Variants in CPQ observed in about 807,000 individuals in gnomAD.
The protein encoded by CPQ is Ser-Met dipeptidase.
A neutral mutation model predicts 45.7 loss-of-function variants in CPQ; 37 were observed. That is an observed-to-expected ratio of 0.81 (90% CI 0.62 to 1.07). The LOEUF (loss-of-function observed/expected upper bound fraction) is 1.07. CPQ is among the 50% of genes least tolerant of loss of function. The probability of loss-of-function intolerance (pLI) is 0.00; values close to 1 mark genes in which losing one functional copy is unlikely to be tolerated. For missense variants in CPQ, 537 were observed against 572.9 expected (o/e 0.94, Z 0.64); for synonymous variants, 186 against 205.8 (o/e 0.90, Z 0.82).
chr8:96,661,369 T>A (rs983811627), intron 1 of CPQ, among the ~76,000 whole-genome samples: 8 of 152,254 alleles, frequency 5.3e-5, no homozygotes, highest in Non-Finnish European at 8.8e-5. Flanking sequence ...ATGGTTTGTA[T>A]TAGCGTTCAC....
At chr8:96,870,296 C>G (rs1282240855) in intron 3 of CPQ, among the ~76,000 whole-genome samples, 3 of 151,854 alleles carry the variant, frequency 2.0e-5, no homozygotes, top group East Asian at 3.9e-4. Flanking sequence ...AGCACTTGAC[C>G]CATTCAGGGA....
chr8:97,039,580 C>A (rs1272955980), intron 6 of CPQ, among the ~76,000 whole-genome samples: 1 of 151,558 alleles, frequency 6.6e-6, no homozygotes, highest in Non-Finnish European at 1.5e-5. Flanking sequence ...TGTGCTGCAC[C>A]CATTAACTCG....
In CPQ at chr8:96,678,408, T is replaced by G. The variant is rs200608556; in HGVS notation, c.-35+33006T>G. Among the ~76,000 whole-genome samples, 9 of 152,156 alleles carry G rather than the reference T, an allele frequency of 5.9e-5. No individual in the cohort carries two copies. In the East Asian group the frequency reaches 1.7e-3, roughly 29 times the overall value. On this transcript the variant is annotated intron_variant, in intron 1 of 7. Transcript: ENST00000220763. ...TTACCTCTTTGGTTGATATACTGAT[T>G]TCCTTTCCTTTGGATAAACACCCAA...
intron 4 of CPQ, among the ~76,000 whole-genome samples, chr8:96,964,092 C>CTT (rs34122483): frequency 1.6e-4 from 20 of 126,338 alleles, no homozygotes; most frequent in East Asian, 4.5e-4. Context: ...AGTTTTCTTT[C>CTT]TTTTTTTTTT....
chr8:96,881,194 A>G (rs980866393), intron 4 of CPQ, among the ~76,000 whole-genome samples: 1 of 152,200 alleles, frequency 6.6e-6, no homozygotes, highest in African/African-American at 2.4e-5. Flanking sequence ...ATAAAGAAAT[A>G]CCTAAGACTG....
At chr8:96,746,275 T>C (rs1019411076) in intron 1 of CPQ, among the ~76,000 whole-genome samples, 1 of 152,224 alleles carries the variant, frequency 6.6e-6, no homozygotes, top group African/African-American at 2.4e-5. Context: ...TAATAGCATG[T>C]TAATATATTA....
At chr8:97,071,352 A>T (rs1243522154) in intron 7 of CPQ, among the ~76,000 whole-genome samples, 2 of 152,172 alleles carry the variant, frequency 1.3e-5, no homozygotes, top group African/African-American at 2.4e-5. Context: ...TAGTAATGAG[A>T]CCTGGTTATT....
At chr8:96,779,144 T>C (rs997442483) in intron 1 of CPQ, among the ~76,000 whole-genome samples, 2 of 152,092 alleles carry the variant, frequency 1.3e-5, no homozygotes, top group Admixed American at 1.3e-4. Context: ...GGCAATGTTA[T>C]TTTCTGGACA....
chr8:96,767,391 T>C (rs1194330909), intron 1 of CPQ, among the ~76,000 whole-genome samples: 7 of 151,984 alleles, frequency 4.6e-5, no homozygotes, highest in Non-Finnish European at 1.0e-4. Context: ...GTACCTTTGA[T>C]TTCCCTCTGT....
intron 1 of CPQ, among the ~76,000 whole-genome samples, chr8:96,703,661 A>G (rs1473063124): frequency 6.6e-6 from 1 of 152,160 alleles, no homozygotes; most frequent in African/African-American, 2.4e-5. Flanking sequence ...GGAATTTTGC[A>G]TAGTTTATTT....
intron 1 of CPQ, among the ~76,000 whole-genome samples, chr8:96,665,725 A>G (rs1272723077): frequency 6.6e-6 from 1 of 152,166 alleles, no homozygotes; most frequent in African/African-American, 2.4e-5. Context: ...CTCTATTCCT[A>G]TGATCTCTGT....
intron 7 of CPQ, among the ~76,000 whole-genome samples, chr8:97,134,004 A>T (rs1270139965): frequency 6.6e-6 from 1 of 152,240 alleles, no homozygotes; most frequent in African/African-American, 2.4e-5. Context: ...CTATATGTTC[A>T]CATGGTTTTG....
chr8:96,751,578 T>G (rs929672044), intron 1 of CPQ, among the ~76,000 whole-genome samples: 3 of 152,178 alleles, frequency 2.0e-5, no homozygotes, highest in Non-Finnish European at 4.4e-5. Flanking sequence ...TTTCTCCCAT[T>G]CTGTAGGTTG....
intron 1 of CPQ, among the ~76,000 whole-genome samples, chr8:96,703,755 C>T (rs1048819799): frequency 1.3e-5 from 2 of 152,010 alleles, no homozygotes; most frequent in Non-Finnish European, 2.9e-5. Flanking sequence ...CTTTGATAAA[C>T]GAAGAGGTTA....
chr8:96,879,525 A>G (rs1444965775), intron 3 of CPQ, among the ~76,000 whole-genome samples: 1 of 152,232 alleles, frequency 6.6e-6, no homozygotes, highest in Non-Finnish European at 1.5e-5. Flanking sequence ...AATGTCCTTC[A>G]GAGTTTGTGT....
chr8:97,043,057 CGTT>C (rs1332907615), intron 6 of CPQ, among the ~76,000 whole-genome samples: 10 of 151,358 alleles, frequency 6.6e-5, no homozygotes, highest in African/African-American at 2.4e-4. Flanking sequence ...CTTTCTGTCT[CGTT>C]GATCTGTCTA....
At position 96,855,416 on chromosome 8, in the gene CPQ, G is replaced by A. The variant is rs184413451; in HGVS notation, c.641+20236G>A. Reference sequence around the variant, plus strand: ...GAACCCAGGGGTCCAGCACAAAGACGTAGATCCAGCCCTGATAGGAGAATG... The same window carrying A: ...GAACCCAGGGGTCCAGCACAAAGACATAGATCCAGCCCTGATAGGAGAATG... On this transcript the variant is annotated intron_variant, in intron 3 of 7. Transcript: ENST00000220763. Among the ~76,000 whole-genome samples the A allele has an allele frequency of 2.0e-3, 303 of 152,250 alleles. 3 individuals carry two copies. The highest frequency in any genetic ancestry group is 0.01 in the Admixed American group (154 of 15,302).
chr8:96,979,222 G>A (rs1563545012), intron 5 of CPQ, among the ~76,000 whole-genome samples: 1 of 152,154 alleles, frequency 6.6e-6, no homozygotes, highest in Non-Finnish European at 1.5e-5. Context: ...TGGAGTTGGT[G>A]CTATAGGCAG....
At chr8:96,678,627 C>T (rs1809106139) in intron 1 of CPQ, among the ~76,000 whole-genome samples, 1 of 151,716 alleles carries the variant, frequency 6.6e-6, no homozygotes, top group Non-Finnish European at 1.5e-5. Context: ...GGTGAGCTAT[C>T]TTTTATTTGC....
Sources: gnomAD v4.1 joint callset for allele counts (sites outside exome capture counted in the v4.1 genomes callset) on GRCh38, gnomAD v4.1.1 for gene constraint, MANE v1.5 for transcripts, NCBI Gene and HGNC (gene_info 2026-07-23, HGNC 2026-07-21) for gene names.